CADM2: variants seen among roughly 807,000 people sequenced by gnomAD.
The protein encoded by CADM2 is cell adhesion molecule 2.
In CADM2, 12 loss-of-function variants were observed where a neutral mutation model predicts 49.8. The ratio of observed to expected loss-of-function variants is 0.24; its 90% CI spans 0.15 to 0.39. The LOEUF (loss-of-function observed/expected upper bound fraction) is 0.39, where lower values mean the gene tolerates loss of function less well. Ranked by LOEUF, CADM2 falls within the 10% of genes least tolerant of loss-of-function variation. The pLI is 1.00. For missense variants in CADM2, 378 were observed against 492.3 expected, an observed-to-expected ratio of 0.77 and a Z score of 2.20; for synonymous variants, 214 against 175.4, an observed-to-expected ratio of 1.22 and a Z score of -1.74.
intron 1 of CADM2, among the ~76,000 whole-genome samples, chr3:85,038,582 AG>A (rs2035312070): frequency 6.6e-6 from 1 of 152,214 alleles, no homozygotes; most frequent in African/African-American, 2.4e-5. Flanking sequence ...TGCTAATGAA[AG>A]GACCATGATT....
At chr3:85,973,601 A>T (rs1315058235) in intron 8 of CADM2, among the ~76,000 whole-genome samples, 1 of 151,774 alleles carries the variant, frequency 6.6e-6, no homozygotes, top group Non-Finnish European at 1.5e-5. Flanking sequence ...TAATCAGTGT[A>T]CTGCATACTT....
chr3:85,726,659 G>A (rs1012994937), intron 2 of CADM2, 111 bp downstream of exon 2: 9 of 687,072 alleles, frequency 1.3e-5, no homozygotes, highest in South Asian at 2.1e-5. Flanking sequence ...CTATTTCAGT[G>A]TATAGATATT....
chr3:85,534,205 A>T (rs1368498764), intron 1 of CADM2, among the ~76,000 whole-genome samples: 1 of 152,172 alleles, frequency 6.6e-6, no homozygotes, highest in Non-Finnish European at 1.5e-5. Flanking sequence ...ATTTCTTGGA[A>T]TGTTAATGTT....
At chr3:85,773,085 G>C (rs919781058) in intron 2 of CADM2, among the ~76,000 whole-genome samples, 1 of 151,946 alleles carries the variant, frequency 6.6e-6, no homozygotes, top group East Asian at 1.9e-4. Flanking sequence ...TTGATCCCAA[G>C]AGTGGGCCTC....
intron 1 of CADM2, among the ~76,000 whole-genome samples, chr3:85,661,971 A>G (rs973353829): frequency 1.3e-5 from 2 of 152,062 alleles, no homozygotes; most frequent in African/African-American, 4.8e-5. Flanking sequence ...AGTTAAACAT[A>G]CAGTAGGTAA....
intron 1 of CADM2, among the ~76,000 whole-genome samples, chr3:85,252,169 TAA>T (rs2042791390): frequency 6.6e-6 from 1 of 152,016 alleles, no homozygotes; most frequent in Non-Finnish European, 1.5e-5. Context: ...TCTGATCCAC[TAA>T]AGAGATACCA....
chr3:85,802,319 T>A, intron 3 of CADM2, 123 bp downstream of exon 3: 1 of 808,448 alleles, frequency 1.2e-6, no homozygotes, highest in Non-Finnish European at 1.8e-6. Context: ...TGCTTGTATT[T>A]AAACATGTTA....
intron 1 of CADM2, among the ~76,000 whole-genome samples, chr3:85,038,510 T>G (rs1428299085): frequency 1.3e-5 from 2 of 152,178 alleles, no homozygotes; most frequent in Non-Finnish European, 2.9e-5. Flanking sequence ...GTAAACTCCT[T>G]AGATCTGATG....
chr3:85,022,724 A>AT (rs779957037), intron 1 of CADM2, among the ~76,000 whole-genome samples: 1 of 152,066 alleles, frequency 6.6e-6, no homozygotes, highest in Non-Finnish European at 1.5e-5. Flanking sequence ...TGCAGAGGCC[A>AT]TTTTTTATTC....
chr3:86,032,815 A>C (rs567822478), intron 8 of CADM2, among the ~76,000 whole-genome samples: 144 of 152,044 alleles, frequency 9.5e-4, no homozygotes, highest in African/African-American at 3.4e-3. Flanking sequence ...TAGTTACCTA[A>C]ATTTTGTATG....
chr3:85,748,535 C>T (rs1394559341), intron 2 of CADM2, among the ~76,000 whole-genome samples: 5 of 151,942 alleles, frequency 3.3e-5, no homozygotes, highest in African/African-American at 4.8e-5. Flanking sequence ...ATGTCAGGGC[C>T]CTAGATGCAA....
At chr3:85,351,364 CA>C (rs1178718026) in intron 1 of CADM2, among the ~76,000 whole-genome samples, 1 of 152,128 alleles carries the variant, frequency 6.6e-6, no homozygotes, top group African/African-American at 2.4e-5. Context: ...AAAAGGATAT[CA>C]CATCAAAATA....
intron 8 of CADM2, among the ~76,000 whole-genome samples, chr3:86,054,521 G>A (rs567363266): frequency 6.6e-6 from 1 of 152,174 alleles, no homozygotes; most frequent in Admixed American, 6.5e-5. Context: ...TCCATCAGAT[G>A]TATTTATACA....
intron 1 of CADM2, among the ~76,000 whole-genome samples, chr3:85,595,344 T>C (rs911049440): frequency 5.3e-5 from 8 of 152,040 alleles, no homozygotes; most frequent in African/African-American, 1.9e-4. Context: ...ATTTTATGAC[T>C]TCTGATATTA....
chr3:85,805,569 T>C (rs1472484563), intron 3 of CADM2: 1 of 152,200 alleles, frequency 6.6e-6, no homozygotes, highest in Non-Finnish European at 1.5e-5. Flanking sequence ...GTTGAAGGGA[T>C]TCTTGGACAG....
intron 8 of CADM2, among the ~76,000 whole-genome samples, chr3:86,047,785 T>C (rs1320517643): frequency 6.6e-6 from 1 of 152,182 alleles, no homozygotes; most frequent in East Asian, 1.9e-4. Context: ...CAAAGGCACA[T>C]TGAAGTGAAA....
intron 8 of CADM2, among the ~76,000 whole-genome samples, chr3:86,042,461 AT>A (rs1204768126): frequency 6.6e-6 from 1 of 152,238 alleles, no homozygotes; most frequent in East Asian, 1.9e-4. Flanking sequence ...CTCCATGCAT[AT>A]AAATTAGAAA....
chr3:84,979,703 A>C (rs902626951), intron 1 of CADM2, among the ~76,000 whole-genome samples: 7 of 152,118 alleles, frequency 4.6e-5, no homozygotes, highest in African/African-American at 1.7e-4. Context: ...CTAAAAAAAA[A>C]AGGTGTTCTT....
intron 3 of CADM2, among the ~76,000 whole-genome samples, chr3:85,860,426 T>C (rs1352919691): frequency 6.6e-6 from 1 of 152,152 alleles, no homozygotes; most frequent in Non-Finnish European, 1.5e-5. Flanking sequence ...AGGAATAAGG[T>C]AATTTGATGG....
Sources: gnomAD v4.1 joint callset for allele counts (sites outside exome capture counted in the v4.1 genomes callset) on GRCh38, gnomAD v4.1.1 for gene constraint, MANE v1.5 for transcripts, NCBI Gene and HGNC (gene_info 2026-07-23, HGNC 2026-07-21) for gene names.